The following MYH11 variants were observed in gnomAD, a reference collection of about 807,000 sequenced individuals.
The protein encoded by MYH11 is myosin-11.
Under a neutral mutation model 246.6 loss-of-function variants are expected in MYH11, and 80 were observed. The observed-to-expected ratio is 0.32, with a 90% CI of 0.27 to 0.39. The LOEUF (loss-of-function observed/expected upper bound fraction) is 0.39, where lower values mean the gene tolerates loss of function less well. Among genes scored for constraint, MYH11 ranks in the 10% least tolerant of loss-of-function variants. The probability of loss-of-function intolerance (pLI) is 1.00; values close to 1 mark genes in which losing one functional copy is unlikely to be tolerated. For synonymous variants in MYH11, 1,071 were observed against 1,015.5 expected (o/e 1.05, Z -1.04); for missense variants, 2,158 against 2,546.8 (o/e 0.85, Z 3.29).
intron 40 of MYH11, 30 bp downstream of exon 40, chr16:15,714,879 C>G (rs1176802425): frequency 6.2e-7 from 1 of 1,611,838 alleles, no homozygotes; most frequent in Non-Finnish European, 8.5e-7. Context: ...GCCTGAGAGA[C>G]GGGGTCCTCC....
intron 37 of MYH11, 176 bp downstream of exon 37, chr16:15,718,139 G>A (rs2040265966): frequency 3.1e-6 from 3 of 974,960 alleles, no homozygotes; most frequent in East Asian, 2.6e-5. Flanking sequence ...TCTGAAGACA[G>A]CAGCCTGGGC....
At position 15,838,152 on chromosome 16, in the gene MYH11, C is replaced by G. The variant is rs199654191; in HGVS notation, c.101G>C (p.Arg34Thr). Reference sequence around the variant, plus strand: ...CTTCTCCGAGGGGACCCAGACGAGTCTCTTGGCGGCCCAGTCAGCCTGGGC... The same window carrying G: ...CTTCTCCGAGGGGACCCAGACGAGTGTCTTGGCGGCCCAGTCAGCCTGGGC... ...PVAQADWAAK[R>T]LVWVPSEKQG... The change falls in exon 2 of 41, where the codon AGA (arginine) becomes ACA (threonine). Residue 34 changes from arginine to threonine, a missense_variant. Arg to Thr is a moderately conservative substitution (Grantham distance 71, BLOSUM62 -1). Transcript: ENST00000300036. The G allele has an allele frequency of 2.3e-5, 37 of 1,614,028 alleles. No individual in the cohort carries two copies. The highest frequency in any genetic ancestry group is 3.0e-5 in the Non-Finnish European group (35 of 1,180,024).
chr16:15,845,146 C>T (rs2044153098), intron 1 of MYH11, among the ~76,000 whole-genome samples: 1 of 152,130 alleles, frequency 6.6e-6, no homozygotes, highest in Non-Finnish European at 1.5e-5. Context: ...CTAACGGGTG[C>T]CCTGCAGAGC....
At chr16:15,756,089 C>A (rs187116374) in intron 14 of MYH11, among the ~76,000 whole-genome samples, 1 of 152,310 alleles carries the variant, frequency 6.6e-6, no homozygotes, top group Non-Finnish European at 1.5e-5. Flanking sequence ...CAAAGCGAGA[C>A]CCTGTCTCCA....
In MYH11 at chr16:15,823,333, A is replaced by G; in HGVS notation, c.424T>C (p.Tyr142His). The G allele has an allele frequency of 6.2e-7, 1 of 1,614,176 alleles. No homozygotes were observed. Among genetic ancestry groups the G allele is most frequent in the Non-Finnish European group, 8.5e-7 (1 of 1,180,028 alleles). ...PIYSEKIVDMYKGKKRHEMPP... is the reference protein window; with the variant it reads ...PIYSEKIVDMHKGKKRHEMPP... Reference sequence around the variant, plus strand: ...ATCTCGTGCCTCTTCTTGCCCTTGTACATGTCGACGATCTTCTCCGAGTAG... The same window carrying G: ...ATCTCGTGCCTCTTCTTGCCCTTGTGCATGTCGACGATCTTCTCCGAGTAG... The change falls in exon 3 of 41, where the codon TAC becomes CAC. Residue 142 changes from tyrosine (Y) to histidine (H), a missense_variant. Physicochemically the swap from Tyr to His is moderately conservative, Grantham distance 83 (BLOSUM62 2). Transcript: ENST00000300036.
chr16:15,756,438 T>C lies in MYH11; in HGVS notation c.1652A>G (p.Glu551Gly). The change falls in exon 14 of 41, where the codon GAG becomes GGG. Residue 551 changes from glutamate to glycine, a missense_variant. This residue lies in a region of MYH11 where 317 missense variants were observed against 507.7 expected (regional missense o/e 0.62). Transcript: ENST00000300036. Reference sequence around the variant, plus strand: ...GCTGCCCTGCTCCGTGCACAGCTTCTCCACGAAAGACTTGTCCGTGGCTTT... The same window carrying C: ...GCTGCCCTGCTCCGTGCACAGCTTCCCCACGAAAGACTTGTCCGTGGCTTT... ...FPKATDKSFVEKLCTEQGSHP... is the reference protein window; with the variant it reads ...FPKATDKSFVGKLCTEQGSHP... 6.2e-7 allele frequency: 1 copy of C among 1,614,178 alleles called. No individual in the cohort carries two copies. Among genetic ancestry groups the C allele is most frequent in the Non-Finnish European group, 8.5e-7 (1 of 1,180,042 alleles).
intron 3 of MYH11, among the ~76,000 whole-genome samples, chr16:15,822,931 G>A (rs2043452558): frequency 6.6e-6 from 1 of 152,206 alleles, no homozygotes. Context: ...TGTCAACACA[G>A]ACCACAATGG....
At chr16:15,786,549 G>T in intron 5 of MYH11, 81 bp downstream of exon 5, 1 of 1,297,620 alleles carries the variant, frequency 7.7e-7, no homozygotes, top group Non-Finnish European at 1.1e-6. Flanking sequence ...TTGCAATGAT[G>T]TTCTGTTTGT....
chr16:15,763,741 T>TCGCCCCCCCCCCCCC, intron 10 of MYH11, 55 bp downstream of exon 10: 1 of 646,852 alleles, frequency 1.5e-6, no homozygotes, highest in East Asian at 3.2e-5. Flanking sequence ...AAATGTCACC[T>TCGCCCCCCCCCCCCC]CCCCCACCCC....
chr16:15,779,501 A>G (rs2042298584), intron 6 of MYH11: 1 of 158,246 alleles, frequency 6.3e-6, no homozygotes, highest in Non-Finnish European at 1.4e-5. Context: ...TGACTTGTCC[A>G]ACGTGACGTT....
At chr16:15,720,420 A>T in intron 33 of MYH11, 108 bp from the exon 34 acceptor site, 1 of 1,436,812 alleles carries the variant, frequency 7.0e-7, no homozygotes, top group Non-Finnish European at 9.5e-7. Flanking sequence ...CCCCCTTGTG[A>T]GGTGGGCATC....
intron 9 of MYH11, among the ~76,000 whole-genome samples, chr16:15,769,727 A>C (rs1013236037): frequency 2.0e-5 from 3 of 152,228 alleles, no homozygotes; most frequent in African/African-American, 7.2e-5. Flanking sequence ...ATGCCCAGCA[A>C]AACAATTTAA....
In MYH11 at chr16:15,703,616, A is replaced by G. The variant is rs2039300208; in HGVS notation, c.*375T>C. On this transcript the variant is annotated 3_prime_UTR_variant, in exon 41 of 41. Transcript: ENST00000300036. The stretch of plus-strand genomic sequence containing the variant: ...TGGTGGTGGTGGTGGTGGTTGAGAC[A>G]GGGTCTCTGTTGCCCAGGCTGGAGT... The G allele has an allele frequency of 2.3e-5, 9 of 393,750 alleles. No individual in the cohort carries two copies. In the South Asian group the frequency reaches 2.5e-4, roughly 11 times the overall value. The allele number at this position is 393,750 out of a possible 1,614,324, so 24.4% of individuals were successfully genotyped here. A position where few individuals can be genotyped will look rare whatever the true frequency, so the allele number is the denominator to read the frequency against.
intron 2 of MYH11, among the ~76,000 whole-genome samples, chr16:15,833,876 C>T (rs906641255): frequency 2.6e-5 from 4 of 152,106 alleles, no homozygotes; most frequent in Admixed American, 1.3e-4. Context: ...TTATCTTCTC[C>T]GTCATGGACG....
At chr16:15,843,562 G>A (rs1365673460) in intron 1 of MYH11, among the ~76,000 whole-genome samples, 10 of 150,724 alleles carry the variant, frequency 6.6e-5, no homozygotes, top group African/African-American at 2.0e-4. Context: ...GCGTGGTGGC[G>A]GCCGCGTGTA....
In MYH11 at chr16:15,766,937, C is replaced by T. The variant is rs147570291; in HGVS notation, c.1034-3046G>A. On this transcript the variant is annotated intron_variant, in intron 9 of 40. Coordinates refer to ENST00000300036, the MANE Select transcript of MYH11 (RefSeq NM_002474.3). ...CATCCTGGTGTGCTGGTGCAAAGCA[C>T]GCGCTCTGCAGTTAGAGAGTCCTGA... Among the ~76,000 whole-genome samples, 134 of 152,298 alleles carry T rather than the reference C, an allele frequency of 8.8e-4. No homozygotes were observed. In the Middle Eastern group the frequency reaches 0.01, roughly 12 times the overall value.
chr16:15,841,898 C>A (rs1163191208), intron 1 of MYH11, among the ~76,000 whole-genome samples: 1 of 152,174 alleles, frequency 6.6e-6, no homozygotes, highest in Non-Finnish European at 1.5e-5. Flanking sequence ...ATAATCCCCA[C>A]GCTTGGGCCC....
chr16:15,839,865 A>G (rs982090610), intron 1 of MYH11, among the ~76,000 whole-genome samples: 1 of 152,044 alleles, frequency 6.6e-6, no homozygotes, highest in East Asian at 1.9e-4. Context: ...AGCCTGCCCA[A>G]TGTGGTAAAA....
At chr16:15,737,258 A>G (rs2041145439) in intron 25 of MYH11, among the ~76,000 whole-genome samples, 191 bp downstream of exon 25, 2 of 152,154 alleles carry the variant, frequency 1.3e-5, no homozygotes, top group South Asian at 2.1e-4. Flanking sequence ...GGAAGAGAAG[A>G]AAGTCGAAGG....
Sources: allele counts gnomAD v4.1 joint callset (sites outside exome capture counted in the v4.1 genomes callset), GRCh38; gene constraint gnomAD v4.1.1; regional missense constraint gnomAD v4.1.1; transcripts MANE v1.5; gene names NCBI Gene and HGNC (gene_info 2026-07-23, HGNC 2026-07-21).